Variants in VPS13B observed in about 807,000 individuals in gnomAD.
VPS13B encodes intermembrane lipid transfer protein VPS13B.
A neutral mutation model predicts 426.4 loss-of-function variants in VPS13B; 285 were observed. The observed-to-expected ratio is 0.67, with a 90% CI of 0.61 to 0.74. VPS13B has a LOEUF of 0.74. Ranked by LOEUF, VPS13B falls within the 30% of genes least tolerant of loss-of-function variation. The probability of loss-of-function intolerance (pLI) is 0.00; values close to 1 mark genes in which losing one functional copy is unlikely to be tolerated. For missense variants in VPS13B, 4,537 were observed against 4,782.6 expected, an observed-to-expected ratio of 0.95 and a Z score of 1.51; for synonymous variants, 1,676 against 1,676.4, an observed-to-expected ratio of 1.00 and a Z score of 0.01.
chr8:99,854,503 G>A (rs991916855), intron 56 of VPS13B, among the ~76,000 whole-genome samples: 1 of 152,168 alleles, frequency 6.6e-6, no homozygotes, highest in Non-Finnish European at 1.5e-5. Flanking sequence ...GAAGATTTCT[G>A]AGAGGATCAG....
intron 14 of VPS13B, among the ~76,000 whole-genome samples, chr8:99,150,886 T>C (rs1811040680): frequency 6.6e-6 from 1 of 152,210 alleles, no homozygotes; most frequent in Non-Finnish European, 1.5e-5. Flanking sequence ...TCAACTCCTT[T>C]GGGTAAATAC....
chr8:99,732,023 A>G (rs1225269885), intron 39 of VPS13B, among the ~76,000 whole-genome samples: 1 of 152,212 alleles, frequency 6.6e-6, no homozygotes, highest in Non-Finnish European at 1.5e-5. Context: ...GAGATTTAAC[A>G]TACAATTTCA....
intron 23 of VPS13B, among the ~76,000 whole-genome samples, chr8:99,446,373 C>T (rs894431183): frequency 1.3e-5 from 2 of 151,976 alleles, no homozygotes; most frequent in Non-Finnish European, 2.9e-5. Flanking sequence ...TTCATGTTTC[C>T]TTGGAAGTCG....
intron 25 of VPS13B, among the ~76,000 whole-genome samples, chr8:99,482,744 G>A (rs1055118119): frequency 6.6e-6 from 1 of 152,094 alleles, no homozygotes; most frequent in African/African-American, 2.4e-5. Context: ...AAAGTGTTTA[G>A]ATTTGAAACA....
chr8:99,853,963 C>CT lies in VPS13B; in HGVS notation c.10575dup (p.Asn3526Ter). 1 of 1,614,228 alleles carries CT rather than the reference C, an allele frequency of 6.2e-7. No homozygotes were observed. The highest frequency in any genetic ancestry group is 8.5e-7 in the Non-Finnish European group (1 of 1,180,040). On this transcript the variant is annotated frameshift_variant, in exon 56 of 62. Transcript: ENST00000357162. LOFTEE classifies it high-confidence loss of function. ...AAGACTTTGTTTGACACCTACCTTC[C>CT]TAACAGCAGGTTGGCTGGTCACTCC...
In VPS13B at chr8:99,103,625, G is replaced by A. The variant is rs560754220; in HGVS notation, c.580+505G>A. On this transcript the variant is annotated intron_variant, in intron 5 of 61. Transcript: ENST00000357162. Reference sequence around the variant, plus strand: ...CACCATTCTTCTGCCTCAGCCTCCCGAGTAGCTGGGACTACAGGCACCTGC... The same window carrying A: ...CACCATTCTTCTGCCTCAGCCTCCCAAGTAGCTGGGACTACAGGCACCTGC... Among the ~76,000 whole-genome samples, 327 of 149,204 alleles carry A rather than the reference G, an allele frequency of 2.2e-3. 1 individual carries two copies. Among genetic ancestry groups the A allele is most frequent in the African/African-American group, 7.1e-3 (288 of 40,688 alleles).
intron 23 of VPS13B, among the ~76,000 whole-genome samples, chr8:99,450,917 A>ATAC (rs1818166269): frequency 6.6e-6 from 1 of 152,162 alleles, no homozygotes; most frequent in African/African-American, 2.4e-5. Context: ...CTAAGATTAT[A>ATAC]TACTCAAACC....
chr8:99,821,155 CACACACACA>C (rs1814340717), intron 49 of VPS13B, 130 bp from the exon 50 acceptor site: 1 of 657,428 alleles, frequency 1.5e-6, no homozygotes, highest in Non-Finnish European at 2.6e-6. Flanking sequence ...CACACACACA[CACACACACA>C]CACCATGGAG....
intron 35 of VPS13B, among the ~76,000 whole-genome samples, chr8:99,668,703 A>G (rs574540493): frequency 1.1e-4 from 17 of 152,254 alleles, no homozygotes; most frequent in African/African-American, 3.6e-4. Flanking sequence ...TAGCAAGGTC[A>G]GTGGCTTGGA....
chr8:99,780,905 T>G (rs1292939644), intron 42 of VPS13B, among the ~76,000 whole-genome samples: 1 of 152,186 alleles, frequency 6.6e-6, no homozygotes, highest in Admixed American at 6.6e-5. Flanking sequence ...GTTTATCCCC[T>G]TTAGAAGCGG....
At chr8:99,249,137 A>G (rs573376573) in intron 17 of VPS13B, among the ~76,000 whole-genome samples, 32 of 141,096 alleles carry the variant, frequency 2.3e-4, no homozygotes, top group Admixed American at 1.7e-3. Flanking sequence ...AAGGAATCAT[A>G]TATTAATATT....
chr8:99,095,223 A>G (rs553779170), intron 3 of VPS13B, among the ~76,000 whole-genome samples: 16 of 152,306 alleles, frequency 1.1e-4, no homozygotes, highest in Admixed American at 5.2e-4. Context: ...GGTCAACTAG[A>G]ATGAGGACTA....
At chr8:99,406,619 T>C (rs1384886205) in intron 21 of VPS13B, among the ~76,000 whole-genome samples, 1 of 152,212 alleles carries the variant, frequency 6.6e-6, no homozygotes, top group Admixed American at 6.5e-5. Flanking sequence ...GTTGAATTAT[T>C]ATAAGAATGA....
intron 31 of VPS13B, among the ~76,000 whole-genome samples, chr8:99,567,796 A>AT (rs2133790798): frequency 6.6e-6 from 1 of 152,320 alleles, no homozygotes; most frequent in South Asian, 2.1e-4. Context: ...GTGAGAAACA[A>AT]CATTATGTAT....
At chr8:99,091,840 G>A (rs1292041053) in intron 3 of VPS13B, 3 of 152,264 alleles carry the variant, frequency 2.0e-5, no homozygotes, top group Non-Finnish European at 4.4e-5. Context: ...TTGGTGACCA[G>A]AGCTGACAGG....
chr8:99,850,404 T>C (rs1046930088), intron 55 of VPS13B, among the ~76,000 whole-genome samples: 5 of 149,758 alleles, frequency 3.3e-5, no homozygotes, highest in African/African-American at 1.0e-4. Context: ...TACGCATGTA[T>C]GTACTTATAC....
chr8:99,210,740 G>A (rs1815040600), intron 17 of VPS13B, among the ~76,000 whole-genome samples: 11 of 151,998 alleles, frequency 7.2e-5, no homozygotes, highest in Admixed American at 7.2e-4. Flanking sequence ...CAAGTAGCTG[G>A]GACCACAAGT....
At chr8:99,662,011 G>T (rs1397194113) in intron 35 of VPS13B, among the ~76,000 whole-genome samples, 1 of 152,082 alleles carries the variant, frequency 6.6e-6, no homozygotes, top group East Asian at 1.9e-4. Context: ...AAAAATTTTT[G>T]AGAGCTAATT....
Position 99,137,952 on chromosome 8 carries a change from G to T in VPS13B, c.1651+1200G>T, listed in dbSNP as rs114696000. On this transcript the variant is annotated intron_variant, in intron 12 of 61. Coordinates refer to ENST00000357162, the MANE Select transcript of VPS13B (RefSeq NM_152564.5). Reference sequence around the variant, plus strand: ...ACTACCTCTGCTTCTTTATTTTTAGGCTTCTCTTCTTTGAAAATCGTACTA... The same window carrying T: ...ACTACCTCTGCTTCTTTATTTTTAGTCTTCTCTTCTTTGAAAATCGTACTA... 9.4e-3 allele frequency among the ~76,000 whole-genome samples: 1,430 copies of T among 151,850 alleles called. 32 individuals carry two copies. Among genetic ancestry groups the T allele is most frequent in the African/African-American group, 0.033 (1,369 of 41,400 alleles).
Sources: gnomAD v4.1 joint callset for allele counts (sites outside exome capture counted in the v4.1 genomes callset) on GRCh38, gnomAD v4.1.1 for gene constraint, MANE v1.5 for transcripts, NCBI Gene and HGNC (gene_info 2026-07-23, HGNC 2026-07-21) for gene names.